The following SLC16A2 variants were observed in gnomAD, a reference collection of about 807,000 sequenced individuals.
The protein encoded by SLC16A2 is solute carrier family 16 member 2, also known as monocarboxylate transporter 8.
In SLC16A2, 3 loss-of-function variants were observed where a neutral mutation model predicts 27.2. The observed-to-expected ratio is 0.11, with a 90% CI of 0.05 to 0.28. The LOEUF (loss-of-function observed/expected upper bound fraction) is 0.28. Ranked by LOEUF, SLC16A2 falls within the 10% of genes least tolerant of loss-of-function variation. The pLI, the probability that SLC16A2 is intolerant of heterozygous loss-of-function variation, is 1.00. For synonymous variants in SLC16A2, 202 were observed against 187.8 expected, an observed-to-expected ratio of 1.08 and a Z score of -0.62; for missense variants, 295 against 458.5, an observed-to-expected ratio of 0.64 and a Z score of 3.26.
intron 1 of SLC16A2, among the ~76,000 whole-genome samples, chrX:74,507,830 C>T (rs771985380): frequency 1.3e-4 from 15 of 112,191 alleles, no homozygotes; most frequent in African/African-American, 4.8e-4. Flanking sequence ...GGATTTCATT[C>T]TTTTTGATGG....
intron 1 of SLC16A2, among the ~76,000 whole-genome samples, chrX:74,471,853 G>A (rs1929363472): frequency 9.0e-6 from 1 of 111,341 alleles, no homozygotes; most frequent in African/African-American, 3.3e-5. Context: ...CTGTCCCTAA[G>A]GATTTGATGA....
intron 1 of SLC16A2, among the ~76,000 whole-genome samples, chrX:74,465,958 T>C (rs1410735597): frequency 9.0e-6 from 1 of 111,038 alleles, no homozygotes; most frequent in Non-Finnish European, 1.9e-5. Context: ...CAAGATGTCC[T>C]TATCTGGTGG....
chrX:74,443,416 T>C (rs1205482016), intron 1 of SLC16A2, among the ~76,000 whole-genome samples: 2 of 111,928 alleles, frequency 1.8e-5, no homozygotes, highest in Non-Finnish European at 3.8e-5. Context: ...CTCGGGTCCC[T>C]TGGCTGTAAT....
At chrX:74,442,228 CAAAAAAA>C (rs1278847714) in intron 1 of SLC16A2, among the ~76,000 whole-genome samples, 1 of 38,382 alleles carries the variant, frequency 2.6e-5, no homozygotes, top group Non-Finnish European at 5.0e-5. Flanking sequence ...AACTCCGTCT[CAAAAAAA>C]AAAAAAAAAA....
chrX:74,488,568 A>AT (rs1414472724), intron 1 of SLC16A2, among the ~76,000 whole-genome samples: 1 of 111,834 alleles, frequency 8.9e-6, no homozygotes, highest in African/African-American at 3.2e-5. Context: ...GACTATTATA[A>AT]TTTTTTCTTA....
At chrX:74,442,314 C>T (rs186893218) in intron 1 of SLC16A2, among the ~76,000 whole-genome samples, 5 of 110,058 alleles carry the variant, frequency 4.5e-5, no homozygotes, top group South Asian at 3.9e-4. Flanking sequence ...TAGCGTTGGC[C>T]GAGGAATTGG....
intron 1 of SLC16A2, among the ~76,000 whole-genome samples, chrX:74,427,895 C>G (rs1928443534): frequency 9.0e-6 from 1 of 110,813 alleles, no homozygotes; most frequent in African/African-American, 3.3e-5. Context: ...TGAAATAAGT[C>G]ATTTCCCATC....
intron 1 of SLC16A2, among the ~76,000 whole-genome samples, chrX:74,427,793 GCACGCGTGCA>G (rs1569282238): frequency 3.7e-4 from 32 of 86,773 alleles, no homozygotes; most frequent in Non-Finnish European, 1.3e-4. Context: ...AAGCGCATGC[GCACGCGTGCA>G]CGCGCGCGCA....
intron 1 of SLC16A2, among the ~76,000 whole-genome samples, chrX:74,449,970 A>G (rs1190323594): frequency 1.8e-5 from 2 of 112,270 alleles, no homozygotes; most frequent in African/African-American, 6.5e-5. Flanking sequence ...ACAGGGCACT[A>G]TAGACGACCA....
chrX:74,510,351 T>C (rs1248150153), intron 1 of SLC16A2, among the ~76,000 whole-genome samples: 1 of 110,871 alleles, frequency 9.0e-6, no homozygotes, highest in Non-Finnish European at 1.9e-5. Context: ...CTGTTTCAAG[T>C]CATAGTTTCT....
In SLC16A2 at chrX:74,443,817, A is replaced by G. The variant is rs768721478; in HGVS notation, c.430+21750A>G. 5.4e-5 allele frequency among the ~76,000 whole-genome samples: 6 copies of G among 111,660 alleles called. No homozygotes were observed. The South Asian group carries it at 1.5e-3, about 28-fold the overall frequency. On this transcript the variant is annotated intron_variant, in intron 1 of 5. Transcript: ENST00000587091. ...GGCTAACCTTGATTCTGCATTGTCC[A>G]CAGCCTTCCTGGGTGGGCTGAGATG...
At chrX:74,514,340 C>T (rs1415373317) in intron 1 of SLC16A2, among the ~76,000 whole-genome samples, 1 of 109,512 alleles carries the variant, frequency 9.1e-6, no homozygotes, top group African/African-American at 3.3e-5. Context: ...AAGCTTTAAA[C>T]AATAATCCCT....
At chrX:74,492,448 T>C (rs1929846927) in intron 1 of SLC16A2, among the ~76,000 whole-genome samples, 1 of 110,942 alleles carries the variant, frequency 9.0e-6, no homozygotes, top group Non-Finnish European at 1.9e-5. Context: ...CTATCATTCA[T>C]TTAGAGTTAG....
chrX:74,491,104 GA>G (rs759339674), intron 1 of SLC16A2, among the ~76,000 whole-genome samples: 1 of 111,709 alleles, frequency 9.0e-6, no homozygotes, highest in Non-Finnish European at 1.9e-5. Context: ...TATTGTCAAT[GA>G]AAAGAGTCAA....
intron 1 of SLC16A2, among the ~76,000 whole-genome samples, chrX:74,480,489 C>T (rs896718450): frequency 8.9e-6 from 1 of 112,272 alleles, no homozygotes; most frequent in Admixed American, 9.4e-5. Context: ...CACCCACTGT[C>T]CTGCACCCAC....
At chrX:74,512,677 C>T (rs1047158244) in intron 1 of SLC16A2, among the ~76,000 whole-genome samples, 1 of 112,203 alleles carries the variant, frequency 8.9e-6, no homozygotes, top group Non-Finnish European at 1.9e-5. Flanking sequence ...TCTGGTCTCA[C>T]ACTTGAATTA....
intron 1 of SLC16A2, among the ~76,000 whole-genome samples, chrX:74,451,995 A>G (rs1417860486): frequency 3.5e-5 from 4 of 112,684 alleles, no homozygotes; most frequent in African/African-American, 1.3e-4. Context: ...CTATTTCGAG[A>G]AGGGAAAAGT....
At chrX:74,429,399 G>A (rs778160254) in intron 1 of SLC16A2, among the ~76,000 whole-genome samples, 27 of 109,509 alleles carry the variant, frequency 2.5e-4, no homozygotes, top group Middle Eastern at 4.6e-3. Flanking sequence ...TTGAGCCAAG[G>A]CGGTTGACGT....
intron 1 of SLC16A2, among the ~76,000 whole-genome samples, chrX:74,468,134 AACTAAAGTAC>A (rs1366805395): frequency 8.9e-6 from 1 of 111,922 alleles, no homozygotes; most frequent in African/African-American, 3.2e-5. Flanking sequence ...CAATTAACCC[AACTAAAGTAC>A]ACAATTCAAT....
Sources: allele counts gnomAD v4.1 joint callset (sites outside exome capture counted in the v4.1 genomes callset), GRCh38; gene constraint gnomAD v4.1.1; transcripts MANE v1.5; gene names NCBI Gene and HGNC (gene_info 2026-07-23, HGNC 2026-07-21).